The following NDST4 variants were observed in gnomAD, a reference collection of about 807,000 sequenced individuals.
NDST4 encodes N-deacetylase and N-sulfotransferase 4.
Under a neutral mutation model 100.8 loss-of-function variants are expected in NDST4, and 63 were observed. The observed-to-expected ratio is 0.62, with a 90% CI of 0.51 to 0.77. The LOEUF is 0.77. Among genes scored for constraint, NDST4 ranks in the 30% least tolerant of loss-of-function variants. The pLI, the probability that NDST4 is intolerant of heterozygous loss-of-function variation, is 0.00. For missense variants in NDST4, 943 were observed against 1,018.4 expected (o/e 0.93, Z 1.01); for synonymous variants, 377 against 361.8 (o/e 1.04, Z -0.48).
At chr4:114,889,009 T>C (rs1724537319) in intron 6 of NDST4, among the ~76,000 whole-genome samples, 1 of 152,142 alleles carries the variant, frequency 6.6e-6, no homozygotes. Flanking sequence ...CATCCATACA[T>C]CCCTGCCAGC....
rs187864252 is a variant in NDST4, at chr4:115,072,262, G to T, written c.978+3797C>A. 3.7e-3 allele frequency among the ~76,000 whole-genome samples: 566 copies of T among 152,070 alleles called. 3 individuals carry two copies. Among genetic ancestry groups the T allele is most frequent in the South Asian group, 4.6e-3 (22 of 4,822 alleles). The stretch of plus-strand genomic sequence containing the variant: ...ATGAAGTAGAAAAATTAATATTGTT[G>T]AATGTCTATGATATCCAAAATGATC... On this transcript the variant is annotated intron_variant, in intron 2 of 13. Coordinates refer to ENST00000264363, the MANE Select transcript of NDST4 (RefSeq NM_022569.3).
intron 2 of NDST4, among the ~76,000 whole-genome samples, chr4:115,063,542 T>C (rs1242810423): frequency 6.6e-6 from 1 of 151,990 alleles, no homozygotes; most frequent in Admixed American, 6.6e-5. Context: ...TTTTTCTCTT[T>C]AGTCATTCTT....
intron 6 of NDST4, among the ~76,000 whole-genome samples, chr4:114,916,514 T>A (rs1247078792): frequency 6.6e-6 from 1 of 150,842 alleles, no homozygotes; most frequent in African/African-American, 2.4e-5. Context: ...CTAGTTCAGA[T>A]GTCACATTGT....
intron 6 of NDST4, among the ~76,000 whole-genome samples, chr4:114,880,927 G>A (rs1724353258): frequency 1.3e-5 from 2 of 152,106 alleles, no homozygotes; most frequent in Non-Finnish European, 2.9e-5. Flanking sequence ...TGGAGTAGGA[G>A]CGGGGCTGAG....
intron 1 of NDST4, among the ~76,000 whole-genome samples, chr4:115,092,403 C>T (rs1447745661): frequency 6.6e-6 from 1 of 151,978 alleles, no homozygotes; most frequent in East Asian, 1.9e-4. Context: ...CATATAATCA[C>T]GAATTTCTCA....
At chr4:114,877,441 A>C (rs1391721952) in intron 6 of NDST4, among the ~76,000 whole-genome samples, 2 of 152,198 alleles carry the variant, frequency 1.3e-5, no homozygotes, top group African/African-American at 4.8e-5. Flanking sequence ...TAAGTACTTA[A>C]GAGAGAAATG....
intron 2 of NDST4, among the ~76,000 whole-genome samples, chr4:115,036,894 T>C (rs959393593): frequency 6.6e-6 from 1 of 152,064 alleles, no homozygotes; most frequent in African/African-American, 2.4e-5. Flanking sequence ...ACTGATAATA[T>C]ATTTATCTGC....
intron 4 of NDST4, among the ~76,000 whole-genome samples, chr4:114,968,496 CT>C (rs780061192): frequency 2.0e-5 from 3 of 152,074 alleles, no homozygotes; most frequent in East Asian, 1.9e-4. Flanking sequence ...GATGAGCAAA[CT>C]TTTTTTTGGT....
intron 2 of NDST4, among the ~76,000 whole-genome samples, chr4:115,006,143 A>G (rs996570161): frequency 2.0e-5 from 3 of 151,980 alleles, no homozygotes; most frequent in Non-Finnish European, 4.4e-5. Flanking sequence ...AAATAGGTAT[A>G]TGTAAAGCCT....
chr4:114,876,328 T>A (rs1724253649), intron 6 of NDST4, among the ~76,000 whole-genome samples: 1 of 152,202 alleles, frequency 6.6e-6, no homozygotes, highest in Non-Finnish European at 1.5e-5. Flanking sequence ...ATGCTTTTAG[T>A]TCTCATAAAA....
In NDST4 at chr4:115,076,319, T is replaced by C; in HGVS notation, c.718A>G (p.Thr240Ala). 6.2e-7 allele frequency: 1 copy of C among 1,614,012 alleles called. No individual in the cohort carries two copies. Among genetic ancestry groups the C allele is most frequent in the South Asian group, 1.1e-5 (1 of 91,084 alleles). ...GACAAGGATGACAGGGATTTTTCTG[T>C]CTGTAACTCAGTTAAAAGTACAGGC... Reference protein sequence around the residue: ...YQPVLLTELQTEKSLSSLSSK... With the variant: ...YQPVLLTELQAEKSLSSLSSK... The change falls in exon 2 of 14, where the codon ACA becomes GCA. Residue 240 changes from threonine (T) to alanine (A), a missense_variant. By Grantham distance (58) the Thr-to-Ala change is moderately conservative (BLOSUM62 0). Coordinates refer to ENST00000264363, the MANE Select transcript of NDST4 (RefSeq NM_022569.3).
At chr4:114,847,104 C>T (rs1178091844) in intron 9 of NDST4, among the ~76,000 whole-genome samples, 1 of 131,402 alleles carries the variant, frequency 7.6e-6, no homozygotes, top group Non-Finnish European at 1.5e-5. Context: ...CGGCCGGGCG[C>T]GGTGGCTCAC....
At chr4:115,102,812 G>T (rs1432148028) in intron 1 of NDST4, among the ~76,000 whole-genome samples, 6 of 142,856 alleles carry the variant, frequency 4.2e-5, no homozygotes, top group Admixed American at 3.7e-4. Flanking sequence ...GGGTTCAAGC[G>T]ATTCTTTTGC....
At chr4:115,075,935 C>T (rs1324122664) in intron 2 of NDST4, 124 bp downstream of exon 2, 2 of 1,153,022 alleles carry the variant, frequency 1.7e-6, no homozygotes, top group East Asian at 5.2e-5. Flanking sequence ...TTCTAAATGG[C>T]TATCTTATTT....
chr4:115,091,911 C>T (rs189651390), intron 1 of NDST4, among the ~76,000 whole-genome samples: 12 of 152,174 alleles, frequency 7.9e-5, no homozygotes, highest in Admixed American at 2.6e-4. Context: ...GTAACTATCA[C>T]TGAATTTGTC....
intron 2 of NDST4, among the ~76,000 whole-genome samples, chr4:114,997,299 T>G (rs1242885169): frequency 6.6e-6 from 1 of 152,080 alleles, no homozygotes; most frequent in East Asian, 1.9e-4. Context: ...TTTCATATTA[T>G]TTTCTTTCTA....
intron 2 of NDST4, among the ~76,000 whole-genome samples, chr4:115,012,671 C>G (rs1057511181): frequency 2.6e-5 from 4 of 151,858 alleles, no homozygotes; most frequent in African/African-American, 9.7e-5. Context: ...CCATATGATC[C>G]AGAAATCCCA....
chr4:114,836,796 T>C (rs1408131470), intron 11 of NDST4, among the ~76,000 whole-genome samples: 1 of 152,206 alleles, frequency 6.6e-6, no homozygotes, highest in Non-Finnish European at 1.5e-5. Context: ...CCCATATTTC[T>C]TGGAGGCTTT....
At chr4:115,106,953 G>A (rs1729845144) in intron 1 of NDST4, among the ~76,000 whole-genome samples, 2 of 151,634 alleles carry the variant, frequency 1.3e-5, no homozygotes, top group African/African-American at 4.9e-5. Flanking sequence ...CCAGGAAATC[G>A]AGGCCAGCGT....
Sources: gnomAD v4.1 joint callset for allele counts (sites outside exome capture counted in the v4.1 genomes callset) on GRCh38, gnomAD v4.1.1 for gene constraint, MANE v1.5 for transcripts, NCBI Gene and HGNC (gene_info 2026-07-23, HGNC 2026-07-21) for gene names.